TUSC3: variants seen among roughly 807,000 people sequenced by gnomAD.
TUSC3 encodes the protein dolichyl-diphosphooligosaccharide--protein glycosyltransferase subunit TUSC3.
In TUSC3, 45 loss-of-function variants were observed where a neutral mutation model predicts 44.8. That is an observed-to-expected ratio of 1.00 (90% CI 0.79 to 1.29). The LOEUF (loss-of-function observed/expected upper bound fraction) is 1.29, where lower values mean the gene tolerates loss of function less well. TUSC3 is among the 50% of genes most tolerant of loss of function. The pLI is 0.00. For missense variants in TUSC3, 519 were observed against 437.9 expected (o/e 1.19, Z -1.65); for synonymous variants, 212 against 152.9 (o/e 1.39, Z -2.85).
chr8:15,658,363 G>A (rs1293150984), intron 3 of TUSC3, among the ~76,000 whole-genome samples: 1 of 152,098 alleles, frequency 6.6e-6, no homozygotes, highest in Non-Finnish European at 1.5e-5. Context: ...TGTAGTCAGA[G>A]TTCATTTGTA....
intron 2 of TUSC3, among the ~76,000 whole-genome samples, chr8:15,647,304 A>C (rs1806676356): frequency 6.6e-6 from 1 of 152,182 alleles, no homozygotes; most frequent in Non-Finnish European, 1.5e-5. Flanking sequence ...AAAAGAATAT[A>C]TTTAAATAAT....
the TUSC3 span, among the ~76,000 whole-genome samples, chr8:15,824,611 G>A: frequency 6.6e-6 from 1 of 151,982 alleles, no homozygotes; most frequent in Non-Finnish European, 1.5e-5. Context: ...CCTGTTGTGG[G>A]GTGGGGGGAA....
the TUSC3 span, among the ~76,000 whole-genome samples, chr8:15,787,331 A>C: frequency 6.6e-6 from 1 of 152,224 alleles, no homozygotes; most frequent in Non-Finnish European, 1.5e-5. Context: ...TTAGGTTAGA[A>C]TCAATCCTTG....
chr8:15,542,339 G>A (rs948493197), intron 1 of TUSC3, among the ~76,000 whole-genome samples: 7 of 152,074 alleles, frequency 4.6e-5, no homozygotes, highest in African/African-American at 1.4e-4. Flanking sequence ...GATTGTAAAT[G>A]TTTCTTATCA....
the TUSC3 span, among the ~76,000 whole-genome samples, chr8:15,836,143 T>A: frequency 7.4e-6 from 1 of 135,630 alleles, no homozygotes; most frequent in Non-Finnish European, 1.6e-5. Context: ...ATTATAAAAT[T>A]ATTTTTTTTT....
At position 15,540,356 on chromosome 8, in the gene TUSC3, C is replaced by T. The variant is rs1371059763; in HGVS notation, c.-75C>T. The T allele has an allele frequency of 7.8e-6, 11 of 1,402,626 alleles. No individual in the cohort carries two copies. Among genetic ancestry groups the T allele is most frequent in the Non-Finnish European group, 9.3e-6 (10 of 1,076,084 alleles). 86.9% of individuals were successfully genotyped at this position (1,402,626 alleles called of 1,614,324 possible). On this transcript the variant is annotated 5_prime_UTR_variant, in exon 1 of 11. Transcript: ENST00000503731. ...CAGCCAGCGGGCTCCCGGAGGCTGG[C>T]CGGGCAGGCGTGGTGCGCGGTAGGA...
At chr8:15,462,057 TATCA>T (rs1800353670) in intron 1 of TUSC3, among the ~76,000 whole-genome samples, 1 of 152,026 alleles carries the variant, frequency 6.6e-6, no homozygotes, top group Admixed American at 6.6e-5. Flanking sequence ...TTCTGTGAAA[TATCA>T]ATCATTCTTT....
At chr8:15,449,003 C>T (rs1800149764) in intron 1 of TUSC3, among the ~76,000 whole-genome samples, 1 of 152,046 alleles carries the variant, frequency 6.6e-6, no homozygotes, top group African/African-American at 2.4e-5. Flanking sequence ...CTAGTAATGT[C>T]CCAGGCCTTC....
intron 6 of TUSC3, among the ~76,000 whole-genome samples, chr8:15,700,849 CTTTTTTT>C (rs71211076): frequency 1.1e-5 from 1 of 90,536 alleles, no homozygotes; most frequent in African/African-American, 4.9e-5. Context: ...ATGGCTGGAG[CTTTTTTT>C]TTTTTTTTTT....
chr8:15,684,016 T>C (rs1012003202), intron 6 of TUSC3, among the ~76,000 whole-genome samples: 1 of 151,718 alleles, frequency 6.6e-6, no homozygotes, highest in Non-Finnish European at 1.5e-5. Flanking sequence ...GTCCACCAGC[T>C]GACACTTAAG....
chr8:15,658,326 T>C (rs1807262681), intron 3 of TUSC3, among the ~76,000 whole-genome samples: 1 of 152,130 alleles, frequency 6.6e-6, no homozygotes, highest in Non-Finnish European at 1.5e-5. Flanking sequence ...TAAAATGATT[T>C]GGAGCTGTCT....
chr8:15,623,334 G>A, intron 2 of TUSC3, 85 bp downstream of exon 2: 2 of 1,325,486 alleles, frequency 1.5e-6, no homozygotes. Context: ...ATAAATATAT[G>A]TAAGATAAAC....
chr8:15,793,773 T>C, the TUSC3 span, among the ~76,000 whole-genome samples: 7 of 152,222 alleles, frequency 4.6e-5, no homozygotes, highest in Admixed American at 3.9e-4. Context: ...CTGGCACATA[T>C]AGGAGCACAT....
At chr8:15,524,599 T>G (rs1209953104) in intron 2 of TUSC3, among the ~76,000 whole-genome samples, 1 of 152,218 alleles carries the variant, frequency 6.6e-6, no homozygotes, top group Non-Finnish European at 1.5e-5. Flanking sequence ...AGAGCGTAAT[T>G]GGTGCTTGGA....
chr8:15,773,372 A>C, the TUSC3 span, among the ~76,000 whole-genome samples: 1 of 152,190 alleles, frequency 6.6e-6, no homozygotes, highest in African/African-American at 2.4e-5. Flanking sequence ...TTATAATAGA[A>C]CCAAATAATA....
chr8:15,725,904 C>G (rs1198438593), intron 6 of TUSC3, among the ~76,000 whole-genome samples: 1 of 152,082 alleles, frequency 6.6e-6, no homozygotes, highest in Non-Finnish European at 1.5e-5. Flanking sequence ...GCCCAAATTA[C>G]TGAACTGATT....
chr8:15,813,384 AC>A, the TUSC3 span, among the ~76,000 whole-genome samples: 3 of 16,530 alleles, frequency 1.8e-4, no homozygotes, highest in African/African-American at 5.8e-4. Flanking sequence ...AAACAAACAA[AC>A]AAACAAAAAA....
chr8:15,449,420 T>C (rs924460850), intron 1 of TUSC3, among the ~76,000 whole-genome samples: 1 of 152,040 alleles, frequency 6.6e-6, no homozygotes. Flanking sequence ...ACATCCTCCA[T>C]AGAGTGGTCA....
At chr8:15,610,717 A>G (rs1804725675) in intron 1 of TUSC3, among the ~76,000 whole-genome samples, 1 of 152,196 alleles carries the variant, frequency 6.6e-6, no homozygotes, top group African/African-American at 2.4e-5. Context: ...GAATAGGGCT[A>G]CTGTGTTAGC....
Sources: gnomAD v4.1 joint callset for allele counts (sites outside exome capture counted in the v4.1 genomes callset) on GRCh38, gnomAD v4.1.1 for gene constraint, MANE v1.5 for transcripts, NCBI Gene and HGNC (gene_info 2026-07-23, HGNC 2026-07-21) for gene names.